ZDHHC20: variants seen among roughly 807,000 people sequenced by gnomAD.
The protein encoded by ZDHHC20 is zDHHC palmitoyltransferase 20.
A neutral mutation model predicts 57.8 loss-of-function variants in ZDHHC20; 43 were observed. The observed-to-expected ratio is 0.74, with a 90% CI of 0.58 to 0.96. The LOEUF (loss-of-function observed/expected upper bound fraction) is 0.96, where lower values mean the gene tolerates loss of function less well. ZDHHC20 is among the 40% of genes least tolerant of loss of function. ZDHHC20 has a pLI of 0.00. For synonymous variants in ZDHHC20, 157 were observed against 153.0 expected, an observed-to-expected ratio of 1.03 and a Z score of -0.19; for missense variants, 391 against 441.1, an observed-to-expected ratio of 0.89 and a Z score of 1.02.
chr13:21,424,914 A>T (rs1271031710), intron 2 of ZDHHC20, among the ~76,000 whole-genome samples: 1 of 152,208 alleles, frequency 6.6e-6, no homozygotes, highest in Non-Finnish European at 1.5e-5. Flanking sequence ...CTGACAAATT[A>T]AATTTAAAGG....
intron 4 of ZDHHC20, chr13:21,404,222 C>G (rs1167125859): frequency 6.7e-6 from 3 of 447,158 alleles, no homozygotes; most frequent in African/African-American, 6.1e-5. Flanking sequence ...TGCGGTGGCT[C>G]ACTTGGAAAT....
intron 7 of ZDHHC20, among the ~76,000 whole-genome samples, chr13:21,393,012 A>G (rs1056492244): frequency 6.6e-6 from 1 of 152,222 alleles, no homozygotes; most frequent in African/African-American, 2.4e-5. Flanking sequence ...AAATAGAGAC[A>G]TATATTAAGA....
chr13:21,445,266 TAC>T (rs1425439224), intron 1 of ZDHHC20, among the ~76,000 whole-genome samples: 2 of 152,142 alleles, frequency 1.3e-5, no homozygotes, highest in African/African-American at 4.8e-5. Context: ...GGGCAAAACT[TAC>T]AGAGTTACAC....
chr13:21,395,801 C>T lies in ZDHHC20; in HGVS notation c.595-3947G>A, dbSNP rs148685488. ...AGGCATAAGCCACCGCGCCCCAACC[C>T]TATTTTCTTATTTTCTATATTTCTG... is the stretch of plus-strand genomic sequence containing the variant. On this transcript the variant is annotated intron_variant, in intron 7 of 12. Transcript: ENST00000400590. Among the ~76,000 whole-genome samples the T allele has an allele frequency of 8.0e-3, 1,212 of 152,132 alleles. 19 individuals are homozygous for T. The highest frequency in any genetic ancestry group is 0.028 in the African/African-American group (1,160 of 41,528).
At chr13:21,452,423 T>A (rs913071152) in intron 1 of ZDHHC20, among the ~76,000 whole-genome samples, 4 of 152,040 alleles carry the variant, frequency 2.6e-5, no homozygotes, top group African/African-American at 9.7e-5. Flanking sequence ...ATACAAAAAC[T>A]GAAATGATTC....
Position 21,374,407 on chromosome 13 carries a change from G to C in ZDHHC20, c.*2289C>G, listed in dbSNP as rs1161990346. The C allele has an allele frequency of 2.2e-6, 1 of 455,784 alleles. No individual in the cohort carries two copies. Among genetic ancestry groups the C allele is most frequent in the Admixed American group, 2.4e-5 (1 of 42,546 alleles). The allele number at this position is 455,784 out of a possible 1,614,324, so 28.2% of individuals were successfully genotyped here. On this transcript the variant is annotated 3_prime_UTR_variant, in exon 13 of 13. Transcript: ENST00000400590. ...GCCTGGACAGTTTTGGGGTTTTTTT[G>C]TATTTTTAGTGGAGACAGGGTTTTG...
chr13:21,384,962 GA>G (rs1425695191), intron 9 of ZDHHC20, among the ~76,000 whole-genome samples: 2 of 148,474 alleles, frequency 1.3e-5, no homozygotes, highest in African/African-American at 2.5e-5. Context: ...CTATAGCTAA[GA>G]AAAAAAAAGT....
At chr13:21,450,757 GT>G (rs759841531) in intron 1 of ZDHHC20, among the ~76,000 whole-genome samples, 223 of 140,978 alleles carry the variant, frequency 1.6e-3, no homozygotes, top group East Asian at 4.1e-3. Flanking sequence ...TAAAAAGGTG[GT>G]TTTTTTTTTT....
chr13:21,390,476 C>T (rs1663976773), intron 8 of ZDHHC20, among the ~76,000 whole-genome samples: 1 of 152,102 alleles, frequency 6.6e-6, no homozygotes, highest in African/African-American at 2.4e-5. Context: ...ACTAGTGACA[C>T]AATACGTAAG....
chr13:21,420,801 T>C (rs979080860), intron 3 of ZDHHC20, among the ~76,000 whole-genome samples: 2 of 152,236 alleles, frequency 1.3e-5, no homozygotes, highest in African/African-American at 4.8e-5. Context: ...TCCAGTAATA[T>C]AAAGTATGTC....
intron 11 of ZDHHC20, among the ~76,000 whole-genome samples, chr13:21,380,639 A>C (rs2137640118): frequency 6.6e-6 from 1 of 151,694 alleles, no homozygotes; most frequent in Non-Finnish European, 1.5e-5. Flanking sequence ...TATAATACAA[A>C]AAATTAGCTG....
At chr13:21,382,334 G>T (rs1286506515) in intron 10 of ZDHHC20, among the ~76,000 whole-genome samples, 1 of 152,102 alleles carries the variant, frequency 6.6e-6, no homozygotes, top group Non-Finnish European at 1.5e-5. Context: ...TATTTCTGTA[G>T]TGAATAAATT....
At chr13:21,446,317 C>T (rs1883694503) in intron 1 of ZDHHC20, among the ~76,000 whole-genome samples, 1 of 152,074 alleles carries the variant, frequency 6.6e-6, no homozygotes, top group African/African-American at 2.4e-5. Context: ...AATCTCAAAC[C>T]CAGCAACATA....
chr13:21,458,874 C>T (rs1885147414), intron 1 of ZDHHC20, among the ~76,000 whole-genome samples, 180 bp downstream of exon 1: 1 of 152,186 alleles, frequency 6.6e-6, no homozygotes, highest in Non-Finnish European at 1.5e-5. Context: ...CCCAAGGCCG[C>T]GCCGCAGGAT....
intron 1 of ZDHHC20, among the ~76,000 whole-genome samples, chr13:21,430,339 G>C (rs974476756): frequency 3.9e-5 from 6 of 151,968 alleles, no homozygotes; most frequent in African/African-American, 1.5e-4. Context: ...CCTCCTTAGT[G>C]CTTCCCAGAT....
At chr13:21,401,917 C>T (rs999653328) in intron 5 of ZDHHC20, among the ~76,000 whole-genome samples, 2 of 151,966 alleles carry the variant, frequency 1.3e-5, no homozygotes, top group African/African-American at 4.8e-5. Context: ...TGCCTTAGAC[C>T]ACATCAAATA....
chr13:21,400,398 A>G lies in ZDHHC20; in HGVS notation c.569T>C (p.Leu190Ser). 1 of 1,601,306 alleles carries G rather than the reference A, an allele frequency of 6.2e-7. No individual in the cohort carries two copies. Among genetic ancestry groups the G allele is most frequent in the Middle Eastern group, 1.7e-4 (1 of 6,028 alleles). ...CGTCCAAAATTTTATAAAGTACTCT[A>G]AAACTGTTGCAGCCACGAAAAGGCA... ...LYCLFVAATV[L>S]EYFIKFWTNE... Residue 190 changes from leucine (L) to serine (S), a missense_variant, in exon 7 of 13, where the codon TTA becomes TCA. Leu to Ser is a moderately radical substitution (Grantham distance 145). Transcript: ENST00000400590.
At chr13:21,421,593 T>G (rs1739844185) in intron 2 of ZDHHC20, among the ~76,000 whole-genome samples, 2 of 152,212 alleles carry the variant, frequency 1.3e-5, no homozygotes, top group Admixed American at 1.3e-4. Flanking sequence ...AAATGATGAA[T>G]ACATCTGAGT....
At chr13:21,406,944 G>A (rs1878531811) in intron 4 of ZDHHC20, among the ~76,000 whole-genome samples, 1 of 152,108 alleles carries the variant, frequency 6.6e-6, no homozygotes, top group African/African-American at 2.4e-5. Context: ...CTAGATCCTT[G>A]AGGAATCGCC....
Sources: allele counts gnomAD v4.1 joint callset (sites outside exome capture counted in the v4.1 genomes callset), GRCh38; gene constraint gnomAD v4.1.1; transcripts MANE v1.5; gene names NCBI Gene and HGNC (gene_info 2026-07-23, HGNC 2026-07-21).